Variants in SPTAN1 observed in about 807,000 individuals in gnomAD.
SPTAN1 encodes the protein spectrin alpha, non-erythrocytic 1, also known as spectrin alpha chain, non-erythrocytic 1.
Under a neutral mutation model 331.3 loss-of-function variants are expected in SPTAN1, and 61 were observed. The observed-to-expected ratio is 0.18, with a 90% CI of 0.15 to 0.23. The LOEUF is 0.23. Among genes scored for constraint, SPTAN1 ranks in the 10% least tolerant of loss-of-function variants. SPTAN1 has a pLI of 1.00. For missense variants in SPTAN1, 2,043 were observed against 3,147.9 expected (o/e 0.65, Z 8.40); for synonymous variants, 1,153 against 1,173.9 (o/e 0.98, Z 0.36).
In SPTAN1 at chr9:128,626,447, T is replaced by A; in HGVS notation, c.6336T>A (p.Phe2112Leu). The stretch of plus-strand genomic sequence containing the variant: ...AGGCTTCTGCCTTCAACAGCTGGTT[T>A]GAAAATGCAGAGGAGGACTTAACAG... ...AKKASAFNSW[F>L]ENAEEDLTDP... Residue 2112 changes from phenylalanine to leucine, a missense_variant, in exon 49 of 57, where the codon TTT (phenylalanine) becomes TTA (leucine). Phe to Leu is a conservative substitution (Grantham distance 22, BLOSUM62 0). This residue lies in a region of SPTAN1 where 256 missense variants were observed against 376.4 expected (regional missense o/e 0.68). Coordinates refer to ENST00000372739, the MANE Select transcript of SPTAN1 (RefSeq NM_001130438.3). 6.2e-7 allele frequency: 1 copy of A among 1,614,178 alleles called. No homozygotes were observed.
At chr9:128,574,415 C>T (rs1851072319) in intron 3 of SPTAN1, among the ~76,000 whole-genome samples, 1 of 151,154 alleles carries the variant, frequency 6.6e-6, no homozygotes, top group Non-Finnish European at 1.5e-5. Flanking sequence ...CTGATGTAAA[C>T]TAGAGTAAAT....
chr9:128,574,544 T>A, intron 3 of SPTAN1, 131 bp from the exon 4 acceptor site: 1 of 1,090,368 alleles, frequency 9.2e-7, no homozygotes, highest in East Asian at 2.6e-5. Flanking sequence ...CCTCTCAGTT[T>A]AGGGATTATC....
Position 128,605,229 on chromosome 9 carries a change from G to A in SPTAN1, c.3864+51G>A, listed in dbSNP as rs767768465. ...GTCTGGCATTTTTGCCCCAGAAAGA[G>A]CAGAGTCTTCTGTTCTGCAGAGCAT... On this transcript the variant is annotated intron_variant, in intron 30 of 56. Transcript: ENST00000372739. 58 of 1,614,000 alleles carry A rather than the reference G, an allele frequency of 3.6e-5. 1 individual carries two copies. The highest frequency in any genetic ancestry group is 2.2e-4 in the East Asian group (10 of 44,894).
intron 1 of SPTAN1, among the ~76,000 whole-genome samples, chr9:128,558,080 G>A (rs1848861268): frequency 6.6e-6 from 1 of 152,192 alleles, no homozygotes; most frequent in Admixed American, 6.5e-5. Context: ...TGGGATTACA[G>A]GCGTGAGCCA....
At position 128,629,701 on chromosome 9, in the gene SPTAN1, C is replaced by T. The variant is rs764049905; in HGVS notation, c.6708-620C>T. 3.9e-4 allele frequency: 72 copies of T among 185,406 alleles called. No homozygotes were observed. Among genetic ancestry groups the T allele is most frequent in the Non-Finnish European group, 7.1e-4 (62 of 87,430 alleles). The allele number at this position is 185,406 out of a possible 1,614,324, so 11.5% of individuals were successfully genotyped here. On this transcript the variant is annotated intron_variant, in intron 51 of 56. Coordinates refer to ENST00000372739, the MANE Select transcript of SPTAN1 (RefSeq NM_001130438.3). The surrounding 1 kb of genome is among the most constrained non-coding windows in gnomAD (Gnocchi z 4.9). Reference sequence around the variant, plus strand: ...TCAGAACTTGGTCCTAGAGAGGAGGCTCCCTCCCTGGCTGTGTCTAGAGGA... The same window carrying T: ...TCAGAACTTGGTCCTAGAGAGGAGGTTCCCTCCCTGGCTGTGTCTAGAGGA...
chr9:128,617,606 AGACT>A (rs756562877), intron 41 of SPTAN1, 30 bp from the exon 42 acceptor site: 11 of 1,614,024 alleles, frequency 6.8e-6, no homozygotes, highest in Non-Finnish European at 8.5e-6. Flanking sequence ...GGAGGTGCAG[AGACT>A]GACTGTGCTG....
At chr9:128,575,078 C>A in intron 4 of SPTAN1, 121 bp from the exon 5 acceptor site, 1 of 1,436,346 alleles carries the variant, frequency 7.0e-7, no homozygotes, top group Non-Finnish European at 9.8e-7. Flanking sequence ...AAACCACAGA[C>A]AAAACTGTAT....
chr9:128,621,400 T>C, intron 45 of SPTAN1, 144 bp downstream of exon 45: 1 of 727,714 alleles, frequency 1.4e-6, no homozygotes, highest in Non-Finnish European at 2.5e-6. Context: ...CATTCCTGTG[T>C]TTCGTGACAA....
chr9:128,619,060 C>T, intron 44 of SPTAN1, 57 bp downstream of exon 44: 1 of 1,610,796 alleles, frequency 6.2e-7, no homozygotes, highest in Non-Finnish European at 8.5e-7. Context: ...GCCTGCTGGT[C>T]ATCATTTCCC....
intron 27 of SPTAN1, among the ~76,000 whole-genome samples, chr9:128,600,810 G>T (rs1439322034): frequency 6.6e-6 from 1 of 151,576 alleles, no homozygotes; most frequent in East Asian, 2.0e-4. Flanking sequence ...CTACAGGCAT[G>T]TGCCACCATG....
chr9:128,633,594 G>T lies in SPTAN1; in HGVS notation c.*260G>T. ...ATCGAAGCAGCTGGCTCCTCCCCTT[G>T]TTCTCTCTCCCACCCTCCCCCAAAT... On this transcript the variant is annotated 3_prime_UTR_variant, in exon 57 of 57. Coordinates refer to ENST00000372739, the MANE Select transcript of SPTAN1 (RefSeq NM_001130438.3). 1 of 1,132,696 alleles carries T rather than the reference G, an allele frequency of 8.8e-7. No homozygotes were observed. The allele number at this position is 1,132,696 out of a possible 1,614,324, so 70.2% of individuals were successfully genotyped here. A position where few individuals can be genotyped will look rare whatever the true frequency, so the allele number is the denominator to read the frequency against.
At chr9:128,586,588 C>G (rs1175573550) in intron 19 of SPTAN1, among the ~76,000 whole-genome samples, 3 of 152,160 alleles carry the variant, frequency 2.0e-5, no homozygotes, top group African/African-American at 7.2e-5. Flanking sequence ...AACATGCACA[C>G]ATACATATAT....
chr9:128,629,055 G>A lies in SPTAN1; in HGVS notation c.6707+1113G>A. On this transcript the variant is annotated intron_variant, in intron 51 of 56. Coordinates refer to ENST00000372739, the MANE Select transcript of SPTAN1 (RefSeq NM_001130438.3). The surrounding 1 kb of genome is among the most constrained non-coding windows in gnomAD (Gnocchi z 4.9). ...CGCCCTGCCAGCTTGGGCTTTGTGTGTGTCTGTTGCAGTGTGCTCTTGCCT... is the reference window on the plus strand; with the variant it reads ...CGCCCTGCCAGCTTGGGCTTTGTGTATGTCTGTTGCAGTGTGCTCTTGCCT... The A allele has an allele frequency of 2.5e-6, 1 of 398,436 alleles. No homozygotes were observed. The highest frequency in any genetic ancestry group is 1.3e-4 in the South Asian group (1 of 7,834). 24.7% of individuals were successfully genotyped at this position (398,436 alleles called of 1,614,324 possible). A position where few individuals can be genotyped will look rare whatever the true frequency, so the allele number is the denominator to read the frequency against.
At chr9:128,602,998 G>A (rs1855372384) in intron 27 of SPTAN1, among the ~76,000 whole-genome samples, 1 of 152,288 alleles carries the variant, frequency 6.6e-6, no homozygotes, top group South Asian at 2.1e-4. Context: ...TGAAATGTAC[G>A]TTGTTGAAAT....
intron 12 of SPTAN1, among the ~76,000 whole-genome samples, chr9:128,582,105 CTTT>C (rs1025399622): frequency 6.6e-6 from 1 of 152,170 alleles, no homozygotes; most frequent in African/African-American, 2.4e-5. Flanking sequence ...CTCCAAACTT[CTTT>C]AAGTTTGTAC....
intron 1 of SPTAN1, among the ~76,000 whole-genome samples, chr9:128,556,251 A>T (rs949302476): frequency 7.2e-5 from 11 of 151,840 alleles, no homozygotes; most frequent in African/African-American, 2.7e-4. Flanking sequence ...AGCTCTCTTT[A>T]TATGTTTTCT....
At position 128,563,782 on chromosome 9, in the gene SPTAN1, T is replaced by C. The variant is rs548477218; in HGVS notation, c.-3-2956T>C. On this transcript the variant is annotated intron_variant, in intron 1 of 56. Transcript: ENST00000372739. ...CCAGGCTGGAGTACAGTAGTGTGAC[T>C]ACGGGCGCATGCCACCATGCCTGGA... Among the ~76,000 whole-genome samples the C allele has an allele frequency of 5.3e-5, 8 of 151,118 alleles. No homozygotes were observed. In the East Asian group the frequency reaches 1.4e-3, roughly 26 times the overall value.
chr9:128,630,536 C>G (rs928298095), intron 52 of SPTAN1, 161 bp downstream of exon 52: 2 of 650,992 alleles, frequency 3.1e-6, no homozygotes, highest in African/African-American at 3.7e-5. Context: ...ATCTCTCTCT[C>G]TTTTCTTTCT....
intron 3 of SPTAN1, among the ~76,000 whole-genome samples, chr9:128,571,324 C>T (rs768278537): frequency 1.1e-4 from 17 of 150,850 alleles, no homozygotes; most frequent in Non-Finnish European, 2.4e-4. Context: ...GTGGCTCATG[C>T]CTGTAATCCT....
Sources: allele counts gnomAD v4.1 joint callset (sites outside exome capture counted in the v4.1 genomes callset), GRCh38; gene constraint gnomAD v4.1.1; regional missense constraint gnomAD v4.1.1; non-coding constraint Gnocchi (gnomAD v3.1); transcripts MANE v1.5; gene names NCBI Gene and HGNC (gene_info 2026-07-23, HGNC 2026-07-21).